The following PCDH15 variants were observed in gnomAD, a reference collection of about 807,000 sequenced individuals.
The protein encoded by PCDH15 is protocadherin-15.
PCDH15 carries 129 observed loss-of-function variants against 178.5 expected under a neutral mutation model. That is an observed-to-expected ratio of 0.72 (90% CI 0.63 to 0.84). PCDH15 has a LOEUF of 0.84. PCDH15 is among the 40% of genes least tolerant of loss of function. The probability of loss-of-function intolerance (pLI) is 0.00; values close to 1 mark genes in which losing one functional copy is unlikely to be tolerated. For synonymous variants in PCDH15, 800 were observed against 732.0 expected (o/e 1.09, Z -1.50); for missense variants, 2,230 against 2,099.9 (o/e 1.06, Z -1.21).
chr10:54,608,262 G>A (rs1166093453), intron 2 of PCDH15, among the ~76,000 whole-genome samples: 5 of 150,922 alleles, frequency 3.3e-5, no homozygotes, highest in Non-Finnish European at 7.4e-5. Context: ...GAGCCCAGGA[G>A]TTTAGGACGA....
chr10:54,535,616 A>C (rs1565531721), intron 2 of PCDH15, among the ~76,000 whole-genome samples: 1 of 144,938 alleles, frequency 6.9e-6, no homozygotes. Flanking sequence ...AGGCTGAGGC[A>C]GGAGAATGGC....
chr10:53,853,907 C>A (rs1490622281), intron 28 of PCDH15, among the ~76,000 whole-genome samples: 1 of 151,914 alleles, frequency 6.6e-6, no homozygotes, highest in Non-Finnish European at 1.5e-5. Flanking sequence ...AATCCCACTT[C>A]TGAGAATGCA....
At chr10:54,710,748 T>C (rs2095420452) in intron 1 of PCDH15, among the ~76,000 whole-genome samples, 1 of 151,968 alleles carries the variant, frequency 6.6e-6, no homozygotes, top group Non-Finnish European at 1.5e-5. Flanking sequence ...CAATAAAAAA[T>C]ACATAGAGTG....
chr10:54,307,052 A>G (rs1375495070), intron 8 of PCDH15, among the ~76,000 whole-genome samples: 3 of 8,858 alleles, frequency 3.4e-4, no homozygotes, highest in African/African-American at 1.3e-3. Flanking sequence ...ATATATATAT[A>G]TATATATATA....
chr10:54,294,652 T>A (rs931879997), intron 8 of PCDH15, among the ~76,000 whole-genome samples: 24 of 151,866 alleles, frequency 1.6e-4, no homozygotes, highest in African/African-American at 5.6e-4. Context: ...TTGAAAGGTG[T>A]CCACCTGAAA....
At position 55,325,433 on chromosome 10, in the gene PCDH15, A is replaced by T. The variant is rs138631880; in HGVS notation, c.-155-158782T>A. ...AATGCTGAACCCCCATGATCATCAG[A>T]TCTTTGACAAAGTCAACAAAAACAA... On this transcript the variant is annotated intron_variant, in intron 2 of 5. Transcript: ENST00000613346. Among the ~76,000 whole-genome samples the T allele has an allele frequency of 5.7e-3, 874 of 152,270 alleles. 11 individuals carry two copies. The highest frequency in any genetic ancestry group is 0.02 in the African/African-American group (829 of 41,558).
intron 32 of PCDH15, chr10:53,822,584 C>G: frequency 6.2e-7 from 1 of 1,613,814 alleles, no homozygotes; most frequent in Non-Finnish European, 8.5e-7. Flanking sequence ...GTGTCTCTCT[C>G]CTAGAGAGTG....
chr10:54,500,948 T>C (rs912851605), intron 3 of PCDH15, among the ~76,000 whole-genome samples: 4 of 152,076 alleles, frequency 2.6e-5, no homozygotes, highest in African/African-American at 7.2e-5. Context: ...GGGACATAGA[T>C]GAAGCTGGAA....
chr10:53,961,679 G>T, intron 22 of PCDH15, 73 bp downstream of exon 22: 2 of 1,139,522 alleles, frequency 1.8e-6, no homozygotes, highest in South Asian at 2.5e-5. Flanking sequence ...AAAATGTGCT[G>T]TCATCTGTTA....
intron 21 of PCDH15, 154 bp downstream of exon 21, chr10:53,995,495 C>A: frequency 7.3e-7 from 1 of 1,362,772 alleles, no homozygotes; most frequent in Non-Finnish European, 1.0e-6. Context: ...TGCTCTGTAC[C>A]TGTGGATGAA....
chr10:55,268,511 A>C (rs985375244), intron 1 of PCDH15, among the ~76,000 whole-genome samples: 35 of 152,324 alleles, frequency 2.3e-4, no homozygotes, highest in African/African-American at 7.7e-4. Flanking sequence ...GTTGCTTTCA[A>C]GGAAATTAGC....
At chr10:53,934,330 C>T (rs2085365222) in intron 25 of PCDH15, among the ~76,000 whole-genome samples, 2 of 152,092 alleles carry the variant, frequency 1.3e-5, no homozygotes, top group African/African-American at 4.8e-5. Context: ...ATGCCATCCC[C>T]ACTGACCACA....
chr10:54,927,150 A>T (rs1347408102), intron 2 of PCDH15, among the ~76,000 whole-genome samples: 1 of 151,944 alleles, frequency 6.6e-6, no homozygotes, highest in Non-Finnish European at 1.5e-5. Flanking sequence ...ACTTGTTCTG[A>T]TTGGTTTTAA....
intron 2 of PCDH15, among the ~76,000 whole-genome samples, chr10:54,630,753 G>T (rs901078576): frequency 6.6e-6 from 1 of 152,102 alleles, no homozygotes; most frequent in Non-Finnish European, 1.5e-5. Flanking sequence ...CATAAATTAT[G>T]CAACTTACAG....
intron 1 of PCDH15, among the ~76,000 whole-genome samples, chr10:55,290,902 G>A (rs1019034538): frequency 2.0e-5 from 3 of 152,008 alleles, no homozygotes; most frequent in Non-Finnish European, 2.9e-5. Flanking sequence ...TTTAAAGAAC[G>A]GTAGATTGTT....
chr10:53,824,401 G>A (rs1013618427), intron 32 of PCDH15, among the ~76,000 whole-genome samples: 1 of 152,006 alleles, frequency 6.6e-6, no homozygotes, highest in South Asian at 2.1e-4. Flanking sequence ...TACCCACTTA[G>A]CAGGAATGAA....
chr10:54,181,885 T>A (rs1372216868), intron 13 of PCDH15, among the ~76,000 whole-genome samples: 1 of 152,242 alleles, frequency 6.6e-6, no homozygotes, highest in East Asian at 1.9e-4. Context: ...AGAAAGCATA[T>A]CTTAATTCAT....
At chr10:54,468,171 A>AT (rs1023112546) in intron 3 of PCDH15, among the ~76,000 whole-genome samples, 2 of 151,398 alleles carry the variant, frequency 1.3e-5, no homozygotes, top group African/African-American at 4.8e-5. Flanking sequence ...TTCCACTTTG[A>AT]TTTTTTATTA....
intron 2 of PCDH15, among the ~76,000 whole-genome samples, chr10:54,955,382 G>C (rs1838458094): frequency 6.6e-6 from 1 of 151,194 alleles, no homozygotes; most frequent in Admixed American, 6.6e-5. Context: ...AAACTTAAAA[G>C]TATTTTGGTT....
Sources: gnomAD v4.1 joint callset for allele counts (sites outside exome capture counted in the v4.1 genomes callset) on GRCh38, gnomAD v4.1.1 for gene constraint, MANE v1.5 for transcripts, NCBI Gene and HGNC (gene_info 2026-07-23, HGNC 2026-07-21) for gene names.